ARHGAP29: variants seen among roughly 807,000 people sequenced by gnomAD.
The protein encoded by ARHGAP29 is rho GTPase-activating protein 29.
In ARHGAP29, 43 loss-of-function variants were observed where a neutral mutation model predicts 122.6. That is an observed-to-expected ratio of 0.35 (90% CI 0.27 to 0.45). The LOEUF (loss-of-function observed/expected upper bound fraction) is 0.45, where lower values mean the gene tolerates loss of function less well. Among genes scored for constraint, ARHGAP29 ranks in the 20% least tolerant of loss-of-function variants. The pLI is 1.00. For missense variants in ARHGAP29, 1,303 were observed against 1,477.2 expected (o/e 0.88, Z 1.93); for synonymous variants, 506 against 497.1 (o/e 1.02, Z -0.24).
In ARHGAP29 at chr1:94,172,631, A is replaced by ATT. The variant is rs1409059430; in HGVS notation, c.*1236_*1237dup. 2 of 150,356 alleles carry ATT rather than the reference A, an allele frequency of 1.3e-5. No individual in the cohort carries two copies. The highest frequency in any genetic ancestry group is 3.0e-5 in the Non-Finnish European group (2 of 67,540). The allele number at this position is 150,356 out of a possible 1,614,324, so 9.3% of individuals were successfully genotyped here. A position where few individuals can be genotyped will look rare whatever the true frequency, so the allele number is the denominator to read the frequency against. ...CAAGTTGATATATATATATATATAT[A>ATT]TTATCAAGTATAACACAGTCATACA... On this transcript the variant is annotated 3_prime_UTR_variant, in exon 23 of 23. Transcript: ENST00000260526.
the ARHGAP29 span, among the ~76,000 whole-genome samples, chr1:94,287,747 C>T: frequency 2.0e-5 from 3 of 151,860 alleles, no homozygotes; most frequent in Admixed American, 6.6e-5. Context: ...TGAGAACATG[C>T]GATGTTTGGT....
At chr1:94,210,488 C>T (rs1252329280) in intron 3 of ARHGAP29, among the ~76,000 whole-genome samples, 3 of 152,222 alleles carry the variant, frequency 2.0e-5, no homozygotes, top group South Asian at 2.1e-4. Flanking sequence ...AACTTCAAGC[C>T]TATAAATCCC....
chr1:94,214,501 T>C (rs953043262), intron 3 of ARHGAP29, among the ~76,000 whole-genome samples: 2 of 152,352 alleles, frequency 1.3e-5, no homozygotes, highest in African/African-American at 2.4e-5. Context: ...CTATTTTCCA[T>C]ACAATCCTTA....
the ARHGAP29 span, among the ~76,000 whole-genome samples, chr1:94,312,516 C>A: frequency 6.6e-6 from 1 of 151,372 alleles, no homozygotes; most frequent in South Asian, 2.1e-4. Flanking sequence ...ACTGCAACCT[C>A]TGCCTCCCAG....
intron 3 of ARHGAP29, among the ~76,000 whole-genome samples, chr1:94,212,152 T>A (rs916041236): frequency 5.9e-5 from 9 of 152,006 alleles, no homozygotes; most frequent in African/African-American, 1.7e-4. Flanking sequence ...GGTGACGCAC[T>A]CCTGTAATCA....
At chr1:94,310,886 A>T in the ARHGAP29 span, among the ~76,000 whole-genome samples, 1 of 152,124 alleles carries the variant, frequency 6.6e-6, no homozygotes, top group Non-Finnish European at 1.5e-5. Context: ...TTTCTTCCCC[A>T]TGCCTGCTGT....
chr1:94,188,434 T>C (rs779452726), intron 15 of ARHGAP29, among the ~76,000 whole-genome samples: 31 of 151,940 alleles, frequency 2.0e-4, no homozygotes, highest in Non-Finnish European at 4.0e-4. Flanking sequence ...TACATTCACA[T>C]AGATCTTAAA....
At chr1:94,192,101 T>C (rs982488080) in intron 12 of ARHGAP29, 3 of 152,134 alleles carry the variant, frequency 2.0e-5, no homozygotes, top group African/African-American at 7.2e-5. Flanking sequence ...AAATAATATA[T>C]TAATTAATCA....
At chr1:94,208,299 T>G (rs779746157) in intron 5 of ARHGAP29, among the ~76,000 whole-genome samples, 3 of 152,140 alleles carry the variant, frequency 2.0e-5, no homozygotes, top group Non-Finnish European at 4.4e-5. Context: ...TTGGATTTGA[T>G]CATCCTTAAC....
Position 94,170,109 on chromosome 1 carries a change from G to A in ARHGAP29, c.*3760C>T, listed in dbSNP as rs992557291. Among the ~76,000 whole-genome samples, 29 of 152,196 alleles carry A rather than the reference G, an allele frequency of 1.9e-4. No homozygotes were observed. Among genetic ancestry groups the A allele is most frequent in the African/African-American group, 6.5e-4 (27 of 41,456 alleles). On this transcript the variant is annotated 3_prime_UTR_variant, in exon 23 of 23. Coordinates refer to ENST00000260526, the MANE Select transcript of ARHGAP29 (RefSeq NM_004815.4). ...ATAGACTAGCCCGTGACAATTCGAT[G>A]AGAAACAATACATTTACAATCTTTA...
intron 1 of ARHGAP29, among the ~76,000 whole-genome samples, chr1:94,266,575 C>A (rs1654779002): frequency 6.6e-6 from 1 of 152,148 alleles, no homozygotes; most frequent in Admixed American, 6.5e-5. Flanking sequence ...GCCTTTGCTT[C>A]TTTTCACCTG....
rs371897710 is a variant in ARHGAP29, at chr1:94,174,636, C to T, written c.3019G>A (p.Glu1007Lys). The T allele has an allele frequency of 3.6e-5, 58 of 1,613,914 alleles. No homozygotes were observed. Among genetic ancestry groups the T allele is most frequent in the Non-Finnish European group, 4.5e-5 (53 of 1,180,018 alleles). ...LKSDRSTNNV[E>K]RHTPRTKIRP... ...ATCTTGGTCCTTGGAGTATGCCTCT[C>T]CACATTGTTTGTTGACCTATCAGAT... is the stretch of plus-strand genomic sequence containing the variant. Residue 1007 changes from glutamate to lysine, a missense_variant, in exon 23 of 23, where the codon GAG becomes AAG. Physicochemically the swap from Glu to Lys is moderately conservative, Grantham distance 56. Around this residue, in one of 3 missense-constraint regions of ARHGAP29, gnomAD observed 620 missense variants for 651.2 expected, o/e 0.95. Transcript: ENST00000260526.
intron 18 of ARHGAP29, 37 bp downstream of exon 18, chr1:94,184,835 A>C (rs764604486): frequency 1.8e-5 from 26 of 1,478,070 alleles, no homozygotes; most frequent in Non-Finnish European, 2.4e-5. Context: ...TTACACAGGC[A>C]TTTATGCTTT....
intron 14 of ARHGAP29, 128 bp from the exon 15 acceptor site, chr1:94,189,069 C>T (rs900407545): frequency 1.5e-6 from 2 of 1,328,708 alleles, no homozygotes; most frequent in African/African-American, 2.9e-5. Context: ...TTAAGACAGG[C>T]ACCATGGTAA....
intron 3 of ARHGAP29, among the ~76,000 whole-genome samples, chr1:94,215,570 A>G (rs1651911041): frequency 6.6e-6 from 1 of 152,164 alleles, no homozygotes. Context: ...TAGTGGCGAA[A>G]ATATGAATTA....
intron 1 of ARHGAP29, among the ~76,000 whole-genome samples, chr1:94,252,136 T>C (rs1162184228): frequency 6.6e-6 from 1 of 152,228 alleles, no homozygotes. Flanking sequence ...AGAACTATAT[T>C]ACATTGTTTG....
At chr1:94,178,325 T>C (rs1570483970) in intron 20 of ARHGAP29, among the ~76,000 whole-genome samples, 158 bp from the exon 21 acceptor site, 1 of 152,200 alleles carries the variant, frequency 6.6e-6, no homozygotes, top group Non-Finnish European at 1.5e-5. Context: ...GATTAAAATA[T>C]TGACCACATG....
At chr1:94,228,653 G>A (rs545195459) in intron 2 of ARHGAP29, among the ~76,000 whole-genome samples, 3 of 151,834 alleles carry the variant, frequency 2.0e-5, no homozygotes, top group Admixed American at 1.3e-4. Flanking sequence ...TGCCTTTGAG[G>A]GGCCTGGGTG....
At chr1:94,292,843 G>A in the ARHGAP29 span, among the ~76,000 whole-genome samples, 1 of 152,172 alleles carries the variant, frequency 6.6e-6, no homozygotes, top group South Asian at 2.1e-4. Flanking sequence ...TGTCTCAGCG[G>A]GGCATCTGCC....
Sources: gnomAD v4.1 joint callset for allele counts (sites outside exome capture counted in the v4.1 genomes callset) on GRCh38, gnomAD v4.1.1 for gene constraint, gnomAD v4.1.1 regional missense constraint, MANE v1.5 for transcripts, NCBI Gene and HGNC (gene_info 2026-07-23, HGNC 2026-07-21) for gene names.